The following EPSTI1 variants were observed in gnomAD, a reference collection of about 807,000 sequenced individuals.
EPSTI1 encodes epithelial stromal interaction 1.
In EPSTI1, 66 loss-of-function variants were observed where a neutral mutation model predicts 49.9. The ratio of observed to expected loss-of-function variants is 1.32; its 90% CI spans 1.08 to 1.62. The LOEUF (loss-of-function observed/expected upper bound fraction) is 1.62. Ranked by LOEUF, EPSTI1 falls within the 40% of genes most tolerant of loss-of-function variation. The pLI, the probability that EPSTI1 is intolerant of heterozygous loss-of-function variation, is 0.00. For synonymous variants in EPSTI1, 137 were observed against 130.7 expected, an observed-to-expected ratio of 1.05 and a Z score of -0.33; for missense variants, 394 against 365.5, an observed-to-expected ratio of 1.08 and a Z score of -0.64.
intron 6 of EPSTI1, among the ~76,000 whole-genome samples, chr13:42,930,646 T>A (rs906721442): frequency 6.6e-6 from 1 of 152,232 alleles, no homozygotes; most frequent in Non-Finnish European, 1.5e-5. Flanking sequence ...CCTTCATTTA[T>A]CTGGTCTTTA....
At chr13:42,979,121 G>A (rs1435655803) in intron 1 of EPSTI1, among the ~76,000 whole-genome samples, 1 of 151,974 alleles carries the variant, frequency 6.6e-6, no homozygotes, top group Non-Finnish European at 1.5e-5. Context: ...ATGTATTAAC[G>A]TATAACGTAA....
intron 6 of EPSTI1, among the ~76,000 whole-genome samples, chr13:42,938,598 A>G (rs1339439626): frequency 6.6e-6 from 1 of 152,040 alleles, no homozygotes; most frequent in Non-Finnish European, 1.5e-5. Context: ...TTCCAATAGA[A>G]GGCCGTTTCA....
intron 8 of EPSTI1, among the ~76,000 whole-genome samples, chr13:42,910,012 C>A (rs1056898591): frequency 6.6e-6 from 1 of 152,082 alleles, no homozygotes; most frequent in Non-Finnish European, 1.5e-5. Context: ...TAGACTTAGC[C>A]ATTTCACAAT....
In EPSTI1 at chr13:42,992,088, G is replaced by A. The variant is rs1196852427; in HGVS notation, c.78C>T (p.Asp26=). ...PASRPTRDPQ[D]PSGRQGELSP... ...TCAGCTCCCCTTGCCGCCCAGAAGG[G>A]TCCTGGGGATCCCGGGTCGGGCGGG... is the stretch of plus-strand genomic sequence containing the variant. Residue 26 remains aspartate, a synonymous_variant, in exon 1 of 11, where the codon GAC becomes GAT. Transcript: ENST00000313624. 1 of 1,612,822 alleles carries A rather than the reference G, an allele frequency of 6.2e-7. No individual in the cohort carries two copies. The highest frequency in any genetic ancestry group is 8.5e-7 in the Non-Finnish European group (1 of 1,179,800).
intron 3 of EPSTI1, among the ~76,000 whole-genome samples, chr13:42,964,763 C>T (rs536064403): frequency 6.6e-6 from 1 of 152,286 alleles, no homozygotes; most frequent in African/African-American, 2.4e-5. Context: ...AGATTATTTA[C>T]TTGCTCTCTC....
intron 6 of EPSTI1, among the ~76,000 whole-genome samples, chr13:42,942,834 G>A (rs1450558067): frequency 8.6e-5 from 13 of 151,306 alleles, no homozygotes; most frequent in Non-Finnish European, 1.5e-4. Context: ...GACTACAGGC[G>A]CCCGCCACCG....
chr13:42,958,972 A>C (rs2039360844), intron 5 of EPSTI1, among the ~76,000 whole-genome samples: 2 of 152,288 alleles, frequency 1.3e-5, no homozygotes, highest in Non-Finnish European at 1.5e-5. Flanking sequence ...AAAAATAATA[A>C]TACTCTCTAC....
rs1225539458 is a variant in EPSTI1, at chr13:42,923,463, A to ACAG, written c.657+2872_657+2873insCTG. On this transcript the variant is annotated intron_variant, in intron 7 of 10. Transcript: ENST00000313624. ...GTGGTCCCAGCCACTTAGGAGGCTGAGGTGGCAGGATGGCTTGAACCTGGG... is the reference window on the plus strand; with the variant it reads ...GTGGTCCCAGCCACTTAGGAGGCTGACAGGGTGGCAGGATGGCTTGAACCTGGG... Among the ~76,000 whole-genome samples, 3 of 152,300 alleles carry ACAG rather than the reference A, an allele frequency of 2.0e-5. No homozygotes were observed. The East Asian group carries it at 5.8e-4, about 29-fold the overall frequency.
At chr13:42,899,197 CAAAAAAA>C (rs34907903) in intron 9 of EPSTI1, among the ~76,000 whole-genome samples, 1 of 122,192 alleles carries the variant, frequency 8.2e-6, no homozygotes, top group East Asian at 2.4e-4. Context: ...GACTCTGTCT[CAAAAAAA>C]AAAAAAGAAA....
chr13:42,930,253 C>T (rs1417746221), intron 6 of EPSTI1, among the ~76,000 whole-genome samples: 5 of 152,240 alleles, frequency 3.3e-5, no homozygotes, highest in East Asian at 1.9e-4. Context: ...GCTTCACAAA[C>T]CTGAACTTTG....
intron 8 of EPSTI1, among the ~76,000 whole-genome samples, chr13:42,907,493 T>C (rs1234105820): frequency 3.9e-5 from 6 of 152,168 alleles, no homozygotes; most frequent in Non-Finnish European, 8.8e-5. Flanking sequence ...AATGTATACC[T>C]TTAGATCTAA....
At chr13:42,893,147 C>T (rs137944094) in intron 10 of EPSTI1, among the ~76,000 whole-genome samples, 159 of 152,280 alleles carry the variant, frequency 1.0e-3, no homozygotes, top group African/African-American at 3.6e-3. Flanking sequence ...CAAGGAGAGG[C>T]ACCTTTTGAT....
chr13:42,898,224 G>A (rs1291332969), intron 9 of EPSTI1, among the ~76,000 whole-genome samples: 4 of 152,344 alleles, frequency 2.6e-5, no homozygotes, highest in South Asian at 2.1e-4. Flanking sequence ...TAGAAAGCAC[G>A]TTGTCCTTTT....
chr13:42,887,985 A>C lies in EPSTI1; in HGVS notation c.*509T>G, dbSNP rs1178551099. ...CATTAAAAATAAAAATGACCCATTT[A>C]TACAGAAGGAGTTCAAAATTTATTT... On this transcript the variant is annotated 3_prime_UTR_variant, in exon 11 of 11. Coordinates refer to ENST00000313624, the MANE Select transcript of EPSTI1 (RefSeq NM_033255.5). 1 of 275,544 alleles carries C rather than the reference A, an allele frequency of 3.6e-6. No individual in the cohort carries two copies. Among genetic ancestry groups the C allele is most frequent in the East Asian group, 7.1e-5 (1 of 14,094 alleles). 17.1% of individuals were successfully genotyped at this position (275,544 alleles called of 1,614,324 possible). A position where few individuals can be genotyped will look rare whatever the true frequency, so the allele number is the denominator to read the frequency against.
intron 1 of EPSTI1, among the ~76,000 whole-genome samples, chr13:42,983,328 G>A (rs1017317121): frequency 6.6e-6 from 1 of 152,098 alleles, no homozygotes; most frequent in Admixed American, 6.5e-5. Flanking sequence ...CACTTTGGGA[G>A]GCCAAGGCAG....
intron 10 of EPSTI1, among the ~76,000 whole-genome samples, chr13:42,890,871 A>G (rs2037017941): frequency 6.6e-6 from 1 of 151,858 alleles, no homozygotes; most frequent in South Asian, 2.1e-4. Flanking sequence ...TATTTTTATT[A>G]TTATTATACA....
chr13:42,973,006 A>T (rs2039802907), intron 1 of EPSTI1, among the ~76,000 whole-genome samples: 1 of 152,244 alleles, frequency 6.6e-6, no homozygotes, highest in Admixed American at 6.5e-5. Flanking sequence ...TAAGAATAGT[A>T]AGTTGAGGCT....
intron 10 of EPSTI1, among the ~76,000 whole-genome samples, chr13:42,888,791 ATGT>A (rs1265978315): frequency 2.0e-5 from 3 of 152,298 alleles, no homozygotes; most frequent in Admixed American, 6.5e-5. Context: ...CAGTTCGAAA[ATGT>A]TGTCACCCAC....
At chr13:42,930,345 C>T (rs976876256) in intron 6 of EPSTI1, among the ~76,000 whole-genome samples, 1 of 152,156 alleles carries the variant, frequency 6.6e-6, no homozygotes, top group African/African-American at 2.4e-5. Flanking sequence ...TGAGTCTCTG[C>T]CATGTGTTTA....
Sources: gnomAD v4.1 joint callset for allele counts (sites outside exome capture counted in the v4.1 genomes callset) on GRCh38, gnomAD v4.1.1 for gene constraint, MANE v1.5 for transcripts, NCBI Gene and HGNC (gene_info 2026-07-23, HGNC 2026-07-21) for gene names.